FRMPD3: variants seen among roughly 807,000 people sequenced by gnomAD.
FRMPD3 encodes FERM and PDZ domain containing 3.
FRMPD3 carries 42 observed loss-of-function variants against 97.9 expected under a neutral mutation model. That is an observed-to-expected ratio of 0.43 (90% CI 0.34 to 0.55). The LOEUF (loss-of-function observed/expected upper bound fraction) is 0.55. FRMPD3 is among the 20% of genes least tolerant of loss of function. The pLI is 0.03. For synonymous variants in FRMPD3, 577 were observed against 581.1 expected (o/e 0.99, Z 0.10); for missense variants, 1,303 against 1,457.7 (o/e 0.89, Z 1.73).
chrX:107,476,179 C>T (rs1166218713), intron 1 of FRMPD3, among the ~76,000 whole-genome samples: 1 of 112,274 alleles, frequency 8.9e-6, no homozygotes, highest in Non-Finnish European at 1.9e-5. Context: ...GCCACCACGC[C>T]CAGCCTGAAG....
intron 4 of FRMPD3, among the ~76,000 whole-genome samples, chrX:107,544,128 T>C (rs1212876916): frequency 9.0e-6 from 1 of 111,387 alleles, no homozygotes; most frequent in African/African-American, 3.3e-5. Context: ...TAATAATTAT[T>C]ATAAGCCAGA....
At chrX:107,551,531 C>T (rs1195907542) in intron 6 of FRMPD3, among the ~76,000 whole-genome samples, 2 of 112,038 alleles carry the variant, frequency 1.8e-5, no homozygotes, top group African/African-American at 3.2e-5. Context: ...ACATCATCAG[C>T]GCCATTGTGG....
Position 107,576,384 on chromosome X carries a change from C to T in FRMPD3, c.1366C>T (p.Leu456Phe). The T allele has an allele frequency of 8.3e-7, 1 of 1,210,744 alleles. No homozygotes were observed. Among genetic ancestry groups the T allele is most frequent in the Non-Finnish European group, 1.1e-6 (1 of 895,220 alleles). ...CTGCCTGATCGCGGGGTACTGCCGC[C>T]TCTTGCTGGATTCCAGGAAGATGGT... ...FACLIAGYCR[L>F]LLDSRKMVFS... Residue 456 changes from leucine (L) to phenylalanine (F), a missense_variant, in exon 13 of 15, where the codon CTC becomes TTC. Around this residue, in one of 3 missense-constraint regions of FRMPD3, gnomAD observed 535 missense variants for 618.6 expected, o/e 0.86. Transcript: ENST00000683843.
At chrX:107,471,345 T>TAA (rs57801596) in intron 1 of FRMPD3, among the ~76,000 whole-genome samples, 151 of 89,195 alleles carry the variant, frequency 1.7e-3, no homozygotes, top group Middle Eastern at 5.5e-3. Flanking sequence ...TTCTTTGTTC[T>TAA]AAAAAAAAAA....
At chrX:107,538,806 T>C (rs1436152061) in intron 4 of FRMPD3, among the ~76,000 whole-genome samples, 1 of 112,118 alleles carries the variant, frequency 8.9e-6, no homozygotes, top group African/African-American at 3.2e-5. Context: ...ATTACAGGCA[T>C]GTGCCACTAC....
At chrX:107,511,904 A>C (rs1922176226) in intron 1 of FRMPD3, among the ~76,000 whole-genome samples, 1 of 111,843 alleles carries the variant, frequency 8.9e-6, no homozygotes, top group Admixed American at 9.4e-5. Flanking sequence ...GGCCTCGGAG[A>C]GATGTGTTCA....
intron 5 of FRMPD3, among the ~76,000 whole-genome samples, chrX:107,549,351 A>G (rs949051627): frequency 1.8e-5 from 2 of 111,415 alleles, no homozygotes; most frequent in Non-Finnish European, 3.8e-5. Context: ...AAAAAAGAAA[A>G]TGTCTGAGGG....
At chrX:107,558,768 C>T (rs1242566069) in intron 8 of FRMPD3, among the ~76,000 whole-genome samples, 1 of 111,451 alleles carries the variant, frequency 9.0e-6, no homozygotes, top group East Asian at 2.8e-4. Flanking sequence ...ACTGCAACCT[C>T]CACCTCCCAG....
At chrX:107,507,571 A>G (rs1342158423) in intron 1 of FRMPD3, among the ~76,000 whole-genome samples, 1 of 111,113 alleles carries the variant, frequency 9.0e-6, no homozygotes, top group Non-Finnish European at 1.9e-5. Context: ...GGGCCGGGAT[A>G]CCCTAGCTGG....
intron 1 of FRMPD3, among the ~76,000 whole-genome samples, chrX:107,498,613 A>C (rs933193477): frequency 8.9e-6 from 1 of 111,744 alleles, no homozygotes; most frequent in Non-Finnish European, 1.9e-5. Flanking sequence ...TATTTTGGGA[A>C]GGAAGACCTA....
At chrX:107,586,406 T>A (rs111373867) in intron 13 of FRMPD3, among the ~76,000 whole-genome samples, 13,711 of 101,548 alleles carry the variant, frequency 0.14, 1,862 homozygotes, top group African/African-American at 0.44. Context: ...GATTCATTGA[T>A]TTTTTTTTTT....
At chrX:107,566,241 T>C (rs1028046368) in intron 12 of FRMPD3, among the ~76,000 whole-genome samples, 36 of 113,159 alleles carry the variant, frequency 3.2e-4, no homozygotes, top group Middle Eastern at 4.6e-3. Context: ...CTTAAACGAT[T>C]TCCCAGGGGG....
At chrX:107,512,969 G>A (rs751133895) in intron 1 of FRMPD3, 1 of 112,661 alleles carries the variant, frequency 8.9e-6, no homozygotes, top group African/African-American at 3.2e-5. Context: ...GGGTTTAGGA[G>A]CATGTCTGGA....
rs1425769617 is a variant in FRMPD3, at chrX:107,600,789, C to T, written c.2750C>T (p.Ala917Val). Residue 917 changes from alanine (A) to valine (V), a missense_variant, in exon 15 of 15, where the codon GCC becomes GTC. Coordinates refer to ENST00000683843, the MANE Select transcript of FRMPD3 (RefSeq NM_001388459.1). The part of the protein sequence containing the change: ...RAGLEMSLRA[A>V]TSSLSEEQVS... ...GGCCTAGAAATGTCACTGAGGGCAG[C>T]CACATCATCCCTCAGTGAAGAGCAG... 2 of 1,205,772 alleles carry T rather than the reference C, an allele frequency of 1.7e-6. No homozygotes were observed. The highest frequency in any genetic ancestry group is 4.4e-5 in the Admixed American group (2 of 45,562).
chrX:107,482,075 C>T (rs973554855), intron 1 of FRMPD3, among the ~76,000 whole-genome samples: 6 of 111,326 alleles, frequency 5.4e-5, no homozygotes, highest in African/African-American at 2.0e-4. Context: ...GCAAGCAAAA[C>T]CCCCGTGAGC....
rs1322822427 is a variant in FRMPD3 at position 107,478,752 on chromosome X, G to A, written c.-8+28747G>A. On this transcript the variant is annotated intron_variant, in intron 1 of 14. Coordinates refer to ENST00000683843, the MANE Select transcript of FRMPD3 (RefSeq NM_001388459.1). ...CAGAAATTGATTGTTAAGATGGCTG[G>A]GTAAAAAGCAGCCGAAAACTCAAGT... Among the ~76,000 whole-genome samples, 3 of 112,280 alleles carry A rather than the reference G, an allele frequency of 2.7e-5. No individual in the cohort carries two copies. The Admixed American group carries it at 2.8e-4, about 11-fold the overall frequency.
intron 13 of FRMPD3, among the ~76,000 whole-genome samples, chrX:107,584,367 C>G (rs1015105926): frequency 9.0e-6 from 1 of 111,194 alleles, no homozygotes; most frequent in Non-Finnish European, 1.9e-5. Context: ...GGATAGATTG[C>G]AAAAATTTTC....
chrX:107,524,764 G>T (rs1487566974), intron 1 of FRMPD3, among the ~76,000 whole-genome samples: 3 of 111,010 alleles, frequency 2.7e-5, no homozygotes, highest in African/African-American at 9.8e-5. Flanking sequence ...AGGCCGAGGC[G>T]GGTGGATCGC....
chrX:107,534,665 A>G (rs1923137248), intron 4 of FRMPD3, among the ~76,000 whole-genome samples: 2 of 110,739 alleles, frequency 1.8e-5, no homozygotes, highest in South Asian at 7.8e-4. Flanking sequence ...TGTGAACTTC[A>G]CTCACACACT....
Sources: allele counts gnomAD v4.1 joint callset (sites outside exome capture counted in the v4.1 genomes callset), GRCh38; gene constraint gnomAD v4.1.1; regional missense constraint gnomAD v4.1.1; transcripts MANE v1.5; gene names NCBI Gene and HGNC (gene_info 2026-07-23, HGNC 2026-07-21).